SERGEF: variants seen among roughly 807,000 people sequenced by gnomAD.
SERGEF encodes secretion regulating guanine nucleotide exchange factor, also known as secretion-regulating guanine nucleotide exchange factor.
In SERGEF, 51 loss-of-function variants were observed where a neutral mutation model predicts 50.0. That is an observed-to-expected ratio of 1.02 (90% confidence interval 0.81 to 1.29). The LOEUF is 1.29. Ranked by LOEUF, SERGEF falls within the 50% of genes most tolerant of loss-of-function variation. SERGEF has a pLI of 0.00. For synonymous variants in SERGEF, 205 were observed against 212.4 expected, an observed-to-expected ratio of 0.97 and a Z score of 0.30; for missense variants, 521 against 557.0, an observed-to-expected ratio of 0.94 and a Z score of 0.65.
Position 17,888,679 on chromosome 11 carries a change from G to A in SERGEF, c.1012-10435C>T, listed in dbSNP as rs79536203. The stretch of plus-strand genomic sequence containing the variant: ...CACACACACACACACACACACACAC[G>A]CATTGAGTTAAACCAACATGAAATT... On this transcript the variant is annotated intron_variant, in intron 9 of 10. Coordinates refer to ENST00000265965, the MANE Select transcript of SERGEF (RefSeq NM_012139.4). The surrounding 1 kb of genome is among the most constrained non-coding windows in gnomAD (Gnocchi z 4.1). 4.8e-3 allele frequency among the ~76,000 whole-genome samples: 601 copies of A among 125,760 alleles called. 5 individuals carry two copies. The highest frequency in any genetic ancestry group is 0.017 in the African/African-American group (572 of 33,222). The allele number at this position is 125,760 out of a possible 152,430, so 82.5% of individuals were successfully genotyped here. A position where few individuals can be genotyped will look rare whatever the true frequency, so the allele number is the denominator to read the frequency against.
Position 17,788,142 on chromosome 11 carries a change from T to C in SERGEF, c.1320A>G (p.Arg440=), listed in dbSNP as rs1192389074. ...GGCTTTGGGTTGAAGTTTCTGATTGTCTTTCCTTCCAGTTTCTCTCTTTGT... is the reference window on the plus strand; with the variant it reads ...GGCTTTGGGTTGAAGTTTCTGATTGCCTTTCCTTCCAGTTTCTCTCTTTGT... ...AMDKERNWKE[R]QSETSTQSQS... The change falls in exon 11 of 11, where the codon AGA becomes AGG. Residue 440 remains arginine, a synonymous_variant. Transcript: ENST00000265965. 1 of 1,579,718 alleles carries C rather than the reference T, an allele frequency of 6.3e-7. No individual in the cohort carries two copies. The highest frequency in any genetic ancestry group is 2.3e-5 in the East Asian group (1 of 44,128).
chr11:17,961,279 T>C (rs1469291931), intron 8 of SERGEF, among the ~76,000 whole-genome samples: 2 of 152,180 alleles, frequency 1.3e-5, no homozygotes, highest in African/African-American at 4.8e-5. Flanking sequence ...CCTTCACTTC[T>C]GCAAGATTAG....
chr11:17,994,935 A>T (rs1045400471), intron 6 of SERGEF, among the ~76,000 whole-genome samples: 17 of 152,156 alleles, frequency 1.1e-4, no homozygotes, highest in Admixed American at 1.0e-3. Context: ...GCAACAGAAG[A>T]AGTAGTTACA....
chr11:17,982,646 A>C (rs1385474676), intron 8 of SERGEF, among the ~76,000 whole-genome samples: 1 of 152,188 alleles, frequency 6.6e-6, no homozygotes, highest in African/African-American at 2.4e-5. Flanking sequence ...CTTGGCCCCA[A>C]AACAGAAAAA....
intron 10 of SERGEF, among the ~76,000 whole-genome samples, chr11:17,849,403 G>A (rs1053777356): frequency 1.3e-5 from 2 of 152,146 alleles, no homozygotes; most frequent in African/African-American, 2.4e-5. Context: ...CTCTGGTATT[G>A]ATATAAAATT....
chr11:17,886,173 C>T (rs1851424693), intron 9 of SERGEF, among the ~76,000 whole-genome samples: 1 of 152,182 alleles, frequency 6.6e-6, no homozygotes, highest in African/African-American at 2.4e-5. Context: ...GTATACCTCA[C>T]GCATCCTAAC....
intron 10 of SERGEF, among the ~76,000 whole-genome samples, chr11:17,831,187 AT>A (rs1367716657): frequency 6.6e-6 from 1 of 152,206 alleles, no homozygotes; most frequent in African/African-American, 2.4e-5. Context: ...ACCTCCAGAG[AT>A]TCTGATTCAG....
chr11:17,824,170 G>C (rs931570293), intron 10 of SERGEF, among the ~76,000 whole-genome samples: 1 of 152,032 alleles, frequency 6.6e-6, no homozygotes, highest in African/African-American at 2.4e-5. Context: ...GCGTGGTGGC[G>C]GGCGCCTGTA....
chr11:18,000,715 A>G, intron 4 of SERGEF, 158 bp from the exon 5 acceptor site: 1 of 714,144 alleles, frequency 1.4e-6, no homozygotes, highest in South Asian at 1.5e-5. Context: ...ATACCTCTAC[A>G]TTTATCCCTA....
intron 10 of SERGEF, among the ~76,000 whole-genome samples, chr11:17,811,923 C>A (rs1418477714): frequency 6.6e-6 from 1 of 152,194 alleles, no homozygotes; most frequent in Non-Finnish European, 1.5e-5. Context: ...AGCACAATGC[C>A]TGGCACATAA....
chr11:17,852,793 T>G (rs1336412431), intron 10 of SERGEF, among the ~76,000 whole-genome samples: 1 of 152,198 alleles, frequency 6.6e-6, no homozygotes, highest in African/African-American at 2.4e-5. Flanking sequence ...ATCTCCATTT[T>G]ACAGATGAAG....
chr11:17,944,584 T>A (rs1852620353), intron 9 of SERGEF, among the ~76,000 whole-genome samples: 1 of 152,196 alleles, frequency 6.6e-6, no homozygotes, highest in South Asian at 2.1e-4. Context: ...CTCCATTTCC[T>A]TCAGGTAGTT....
At position 18,006,708 on chromosome 11, in the gene SERGEF, C is replaced by G; in HGVS notation, c.235G>C (p.Gly79Arg). The change falls in exon 3 of 11, where the codon GGG becomes CGG. Residue 79 changes from glycine (G) to arginine (R), a missense_variant. Coordinates refer to ENST00000265965, the MANE Select transcript of SERGEF (RefSeq NM_012139.4). ...TCTGTGTGACCAAGCCCCAGTTGCC[C>G]ATCTTTGTTCAGGCCACAAACAAAG... The part of the protein sequence containing the change: ...DLFVCGLNKD[G>R]QLGLGHTEDI... 6.2e-7 allele frequency: 1 copy of G among 1,614,190 alleles called. No individual in the cohort carries two copies. Among genetic ancestry groups the G allele is most frequent in the African/African-American group, 1.3e-5 (1 of 75,048 alleles).
chr11:17,921,155 T>G (rs1402391141), intron 9 of SERGEF, among the ~76,000 whole-genome samples: 3 of 152,216 alleles, frequency 2.0e-5, no homozygotes, highest in Non-Finnish European at 4.4e-5. Flanking sequence ...GCAAAAGAGT[T>G]GGTTCTGCAT....
At chr11:17,954,720 T>C (rs1245299308) in intron 9 of SERGEF, among the ~76,000 whole-genome samples, 1 of 152,200 alleles carries the variant, frequency 6.6e-6, no homozygotes, top group Non-Finnish European at 1.5e-5. Flanking sequence ...GTATACTGAG[T>C]TCCCTGGCTG....
intron 10 of SERGEF, among the ~76,000 whole-genome samples, chr11:17,857,400 T>C (rs1250899505): frequency 6.6e-6 from 1 of 152,186 alleles, no homozygotes; most frequent in Non-Finnish European, 1.5e-5. Flanking sequence ...ATTTTGCTTC[T>C]CCCCGCTCTG....
At chr11:17,964,061 AC>A (rs1250737044) in intron 8 of SERGEF, among the ~76,000 whole-genome samples, 3 of 152,122 alleles carry the variant, frequency 2.0e-5, no homozygotes, top group African/African-American at 7.2e-5. Flanking sequence ...GGAAATAAAC[AC>A]CATTCTGAGA....
intron 9 of SERGEF, among the ~76,000 whole-genome samples, chr11:17,958,667 G>A (rs1449225432): frequency 6.6e-6 from 1 of 152,058 alleles, no homozygotes; most frequent in African/African-American, 2.4e-5. Flanking sequence ...TAACTGTCCT[G>A]CCAGATACCC....
At chr11:17,842,572 G>A (rs1445034230) in intron 10 of SERGEF, among the ~76,000 whole-genome samples, 1 of 152,290 alleles carries the variant, frequency 6.6e-6, no homozygotes, top group South Asian at 2.1e-4. Context: ...ACTCAGAGAG[G>A]ATTTGCTAAA....
Sources: gnomAD v4.1 joint callset for allele counts (sites outside exome capture counted in the v4.1 genomes callset) on GRCh38, gnomAD v4.1.1 for gene constraint, Gnocchi (gnomAD v3.1) non-coding constraint, MANE v1.5 for transcripts, NCBI Gene and HGNC (gene_info 2026-07-23, HGNC 2026-07-21) for gene names.